The following RSF1 variants were observed in gnomAD, a reference collection of about 807,000 sequenced individuals.
RSF1 encodes HBV pX-associated protein 8.
In RSF1, 13 loss-of-function variants were observed where a neutral mutation model predicts 145.2. That is an observed-to-expected ratio of 0.09 (90% CI 0.06 to 0.14). RSF1 has a LOEUF of 0.14. Among genes scored for constraint, RSF1 ranks in the 10% least tolerant of loss-of-function variants. RSF1 has a pLI of 1.00. For synonymous variants in RSF1, 577 were observed against 592.6 expected, an observed-to-expected ratio of 0.97 and a Z score of 0.38; for missense variants, 1,517 against 1,718.2, an observed-to-expected ratio of 0.88 and a Z score of 2.07.
chr11:77,716,623 G>C (rs1409481868), intron 5 of RSF1, among the ~76,000 whole-genome samples: 1 of 152,184 alleles, frequency 6.6e-6, no homozygotes, highest in Non-Finnish European at 1.5e-5. Context: ...GGTGTGGGGA[G>C]ATGCTGGTCA....
rs184804642 is a variant in RSF1, at chr11:77,670,844, C to T, written c.3751+1198G>A. ...CCATAAAGCCGGGCGCGGTGGCTCA[C>T]GCCTGTAATCCCAGCACTTTGGGAG... On this transcript the variant is annotated intron_variant, in intron 15 of 15. Coordinates refer to ENST00000308488, the MANE Select transcript of RSF1 (RefSeq NM_016578.4). Among the ~76,000 whole-genome samples the T allele has an allele frequency of 4.1e-4, 62 of 151,784 alleles. No individual in the cohort carries two copies. The East Asian group carries it at 0.011, about 28-fold the overall frequency.
At chr11:77,690,106 G>A (rs904979758) in intron 9 of RSF1, among the ~76,000 whole-genome samples, 1 of 149,578 alleles carries the variant, frequency 6.7e-6, no homozygotes, top group Admixed American at 6.7e-5. Context: ...AGGTTGCCAT[G>A]AGCCGAGACT....
At chr11:77,770,461 C>A (rs1948271396) in intron 1 of RSF1, among the ~76,000 whole-genome samples, 1 of 152,038 alleles carries the variant, frequency 6.6e-6, no homozygotes, top group Admixed American at 6.6e-5. Context: ...TCTCAAAAAA[C>A]AAAACAAAAC....
chr11:77,827,831 T>C, the RSF1 span, among the ~76,000 whole-genome samples: 1 of 152,112 alleles, frequency 6.6e-6, no homozygotes, highest in South Asian at 2.1e-4. Flanking sequence ...TAAAACAAGC[T>C]CTATCTTAAA....
intron 1 of RSF1, among the ~76,000 whole-genome samples, chr11:77,816,066 T>C (rs1349269139): frequency 6.6e-6 from 1 of 152,128 alleles, no homozygotes; most frequent in Non-Finnish European, 1.5e-5. Context: ...ATATCGAAAA[T>C]GGTGGAGATG....
At chr11:77,749,252 T>C (rs1026639357) in intron 2 of RSF1, among the ~76,000 whole-genome samples, 1 of 152,178 alleles carries the variant, frequency 6.6e-6, no homozygotes, top group African/African-American at 2.4e-5. Context: ...GTATATTCCC[T>C]GTAAATATGT....
rs1345809978 is a variant in RSF1 at position 77,701,730 on chromosome 11, C to A, written c.1499G>T (p.Gly500Val). The stretch of plus-strand genomic sequence containing the variant: ...AGGGGCTGTTTCTTTCTCAAGCTCA[C>A]CTGTTTTCATACTTGTTATGACAGA... ...LNSVITSMKT[G>V]ELEKETAPLR... The change falls in exon 6 of 16, where the codon GGT becomes GTT. Residue 500 changes from glycine (G) to valine (V), a missense_variant. Transcript: ENST00000308488. The A allele has an allele frequency of 6.2e-7, 1 of 1,613,698 alleles. No homozygotes were observed. Among genetic ancestry groups the A allele is most frequent in the East Asian group, 2.2e-5 (1 of 44,870 alleles).
chr11:77,769,637 GA>G (rs1948261955), intron 1 of RSF1, among the ~76,000 whole-genome samples: 1 of 152,188 alleles, frequency 6.6e-6, no homozygotes, highest in Admixed American at 6.5e-5. Context: ...CTACATTACT[GA>G]TCCAATTACT....
chr11:77,701,957 A>G lies in RSF1; in HGVS notation c.1272T>C (p.Thr424=). 1 of 1,613,684 alleles carries G rather than the reference A, an allele frequency of 6.2e-7. No homozygotes were observed. The highest frequency in any genetic ancestry group is 8.5e-7 in the Non-Finnish European group (1 of 1,179,898). Residue 424 remains threonine, a synonymous_variant, in exon 6 of 16, where the codon ACT becomes ACC. Coordinates refer to ENST00000308488, the MANE Select transcript of RSF1 (RefSeq NM_016578.4). ...CAGTGATTGTAGAGATCCTTTTACA[A>G]GTCTCTTCCTCTTGTTTTATTTCAT... ...LKDEIKQEEE[T]CKRISTITAL... is the part of the protein sequence containing the mutation.
chr11:77,685,722 G>A (rs1959986482), intron 9 of RSF1, among the ~76,000 whole-genome samples: 1 of 152,162 alleles, frequency 6.6e-6, no homozygotes, highest in Non-Finnish European at 1.5e-5. Context: ...ACCTATAACT[G>A]AAATAAGACA....
At chr11:77,713,390 A>C (rs1960731688) in intron 5 of RSF1, among the ~76,000 whole-genome samples, 1 of 151,746 alleles carries the variant, frequency 6.6e-6, no homozygotes, top group African/African-American at 2.4e-5. Flanking sequence ...TTCTGGAATA[A>C]AGCACTGATG....
intron 5 of RSF1, among the ~76,000 whole-genome samples, chr11:77,709,493 G>A (rs1348950372): frequency 6.6e-6 from 1 of 152,142 alleles, no homozygotes; most frequent in Non-Finnish European, 1.5e-5. Flanking sequence ...GTGTCTAAGA[G>A]TATATGTCAA....
chr11:77,827,157 C>A, the RSF1 span, among the ~76,000 whole-genome samples: 2 of 151,958 alleles, frequency 1.3e-5, no homozygotes, highest in African/African-American at 4.8e-5. Flanking sequence ...GCCCCGCCCC[C>A]CTCAGAAAAG....
intron 5 of RSF1, among the ~76,000 whole-genome samples, chr11:77,704,597 T>A (rs1212496929): frequency 6.6e-6 from 1 of 152,190 alleles, no homozygotes; most frequent in Non-Finnish European, 1.5e-5. Context: ...ATTTAGCTAG[T>A]GATGCATCTT....
chr11:77,815,739 TG>T (rs1281805066), intron 1 of RSF1, among the ~76,000 whole-genome samples: 1 of 145,726 alleles, frequency 6.9e-6, no homozygotes, highest in Non-Finnish European at 1.5e-5. Context: ...TCATGTTTAA[TG>T]TTTTTTTAAA....
rs202106933 is a variant in RSF1 at position 77,667,354 on chromosome 11, G to A, written c.3889C>T (p.Arg1297Cys). The change falls in exon 16 of 16, where the codon CGC becomes TGC. Residue 1297 changes from arginine (R) to cysteine (C), a missense_variant. By Grantham distance (180) the Arg-to-Cys change is radical. Coordinates refer to ENST00000308488, the MANE Select transcript of RSF1 (RefSeq NM_016578.4). ...EEEEEEGKPS[R>C]KRLHRIETDE... ...GTCTCAATCCGGTGTAGCCGTTTGCGGGATGGTTTGCCTTCCTCTTCCTCC... is the reference window on the plus strand; with the variant it reads ...GTCTCAATCCGGTGTAGCCGTTTGCAGGATGGTTTGCCTTCCTCTTCCTCC... 47 of 1,613,870 alleles carry A rather than the reference G, an allele frequency of 2.9e-5. No homozygotes were observed. Among genetic ancestry groups the A allele is most frequent in the East Asian group, 1.1e-4 (5 of 44,862 alleles).
the RSF1 span, among the ~76,000 whole-genome samples, chr11:77,833,007 A>ATTTT: frequency 6.4e-4 from 33 of 51,948 alleles, 5 homozygotes; most frequent in African/African-American, 1.5e-3. Context: ...GTATATATAT[A>ATTTT]TATTTTTTTT....
rs28930682 is a variant in RSF1, at chr11:77,667,460, A to G, written c.3783T>C (p.Asp1261=). 204,531 of 1,611,704 alleles carry G rather than the reference A, an allele frequency of 0.13. 15,520 individuals are homozygous for G. Among genetic ancestry groups the G allele is most frequent in the African/African-American group, 0.31 (23,272 of 74,918 alleles). ...ACCGCTTTGATTCTTTAGCTAGCTC[A>G]TCATCTTCAGAGTTCTTGGACAAAT... ...ESYLSKNSED[D]ELAKESKRSV... Residue 1261 remains aspartate, a synonymous_variant, in exon 16 of 16, where the codon GAT becomes GAC. Coordinates refer to ENST00000308488, the MANE Select transcript of RSF1 (RefSeq NM_016578.4).
chr11:77,792,970 A>G (rs1434728705), intron 1 of RSF1, among the ~76,000 whole-genome samples: 2 of 152,228 alleles, frequency 1.3e-5, no homozygotes, highest in Non-Finnish European at 2.9e-5. Flanking sequence ...TCATGGGTAA[A>G]CATACAAATG....
Sources: allele counts gnomAD v4.1 joint callset (sites outside exome capture counted in the v4.1 genomes callset), GRCh38; gene constraint gnomAD v4.1.1; transcripts MANE v1.5; gene names NCBI Gene and HGNC (gene_info 2026-07-23, HGNC 2026-07-21).